The following CRB1 variants were observed in gnomAD, a reference collection of about 807,000 sequenced individuals.
CRB1 encodes crumbs cell polarity complex component 1.
Under a neutral mutation model 120.0 loss-of-function variants are expected in CRB1, and 83 were observed. The ratio of observed to expected loss-of-function variants is 0.69; its 90% CI spans 0.58 to 0.83. The LOEUF (loss-of-function observed/expected upper bound fraction) is 0.83. Among genes scored for constraint, CRB1 ranks in the 40% least tolerant of loss-of-function variants. The pLI is 0.00. For missense variants in CRB1, 1,699 were observed against 1,687.6 expected (o/e 1.01, Z -0.12); for synonymous variants, 625 against 612.5 (o/e 1.02, Z -0.30).
intron 11 of CRB1, among the ~76,000 whole-genome samples, chr1:197,470,642 G>A (rs1666941453): frequency 6.6e-6 from 1 of 152,194 alleles, no homozygotes; most frequent in East Asian, 1.9e-4. Context: ...AAATATGAAA[G>A]CAATGTCCTC....
chr1:197,205,637 G>A, the CRB1 span, among the ~76,000 whole-genome samples: 1 of 152,098 alleles, frequency 6.6e-6, no homozygotes, highest in East Asian at 1.9e-4. Flanking sequence ...ATATGCTGTT[G>A]GATTTGGTTA....
chr1:197,375,792 C>T (rs913550675), intron 5 of CRB1, among the ~76,000 whole-genome samples: 1 of 152,082 alleles, frequency 6.6e-6, no homozygotes, highest in Non-Finnish European at 1.5e-5. Context: ...ATTGGCTTGC[C>T]TATCTATCCT....
intron 5 of CRB1, among the ~76,000 whole-genome samples, chr1:197,408,751 C>A (rs1243842898): frequency 1.3e-5 from 2 of 152,124 alleles, no homozygotes; most frequent in East Asian, 3.8e-4. Context: ...AGAGCAGAGC[C>A]CTTTCTGATG....
intron 5 of CRB1, among the ~76,000 whole-genome samples, chr1:197,405,473 A>G (rs1571486799): frequency 6.6e-6 from 1 of 151,960 alleles, no homozygotes; most frequent in African/African-American, 2.4e-5. Flanking sequence ...AAGTGCCGAG[A>G]GTGCAGCCTC....
At chr1:197,420,033 T>C (rs1372856196) in intron 5 of CRB1, among the ~76,000 whole-genome samples, 3 of 149,216 alleles carry the variant, frequency 2.0e-5, no homozygotes, top group Non-Finnish European at 3.0e-5. Context: ...TAGGGTCTGA[T>C]GTTAGAAGTG....
In CRB1 at chr1:197,421,229, C is replaced by T. The variant is rs1330182352; in HGVS notation, c.1401C>T (p.Phe467=). 1 of 1,614,188 alleles carries T rather than the reference C, an allele frequency of 6.2e-7. No individual in the cohort carries two copies. Among genetic ancestry groups the T allele is most frequent in the Non-Finnish European group, 8.5e-7 (1 of 1,180,024 alleles). ...IPHFQDGQHG[F]SCLCPSGYTG... ...ACTTCCAAGATGGCCAGCATGGATT[C>T]AGCTGCCTATGTCCATCTGGCTACA... Residue 467 remains phenylalanine, a synonymous_variant, in exon 6 of 12, where the codon TTC becomes TTT. Transcript: ENST00000367400.
chr1:197,292,569 A>T (rs1005233038), intron 1 of CRB1, among the ~76,000 whole-genome samples: 2 of 152,134 alleles, frequency 1.3e-5, no homozygotes, highest in African/African-American at 4.8e-5. Context: ...TGAGGCCAGC[A>T]TCATCCTGAT....
At chr1:197,398,653 C>T (rs1428770337) in intron 5 of CRB1, among the ~76,000 whole-genome samples, 3 of 151,958 alleles carry the variant, frequency 2.0e-5, no homozygotes, top group African/African-American at 4.8e-5. Context: ...TGGAGTCATT[C>T]GGCAAGTCAG....
In CRB1 at chr1:197,427,780, G is replaced by A. The variant is rs1439253389; in HGVS notation, c.2455G>A (p.Ala819Thr). 6.2e-7 allele frequency: 1 copy of A among 1,613,810 alleles called. No individual in the cohort carries two copies. The highest frequency in any genetic ancestry group is 1.3e-5 in the African/African-American group (1 of 74,908). The part of the protein sequence containing the change: ...QSSQNLGFIS[A>T]STWKIEKGDV... ...TTCACAAAACCTAGGATTTATTTCTGCTTCTACGTGGAAAATCGAAAAGGG... is the reference window on the plus strand; with the variant it reads ...TTCACAAAACCTAGGATTTATTTCTACTTCTACGTGGAAAATCGAAAAGGG... The change falls in exon 7 of 12, where the codon GCT (alanine) becomes ACT (threonine). Residue 819 changes from alanine (A) to threonine (T), a missense_variant. By Grantham distance (58) the Ala-to-Thr change is moderately conservative. Coordinates refer to ENST00000367400, the MANE Select transcript of CRB1 (RefSeq NM_201253.3).
the CRB1 span, among the ~76,000 whole-genome samples, chr1:197,233,722 A>G: frequency 6.6e-6 from 1 of 152,226 alleles, no homozygotes; most frequent in South Asian, 2.1e-4. Context: ...CTGACAACCT[A>G]TAGCTGTTGA....
At chr1:197,408,927 T>C (rs1239545419) in intron 5 of CRB1, among the ~76,000 whole-genome samples, 1 of 152,230 alleles carries the variant, frequency 6.6e-6, no homozygotes, top group African/African-American at 2.4e-5. Context: ...TCCACTGAGC[T>C]TCAAAGTATG....
At chr1:197,405,609 C>G (rs559593787) in intron 5 of CRB1, among the ~76,000 whole-genome samples, 1 of 151,126 alleles carries the variant, frequency 6.6e-6, no homozygotes, top group African/African-American at 2.4e-5. Flanking sequence ...TCTGCCCGGC[C>G]GCCATCCCAT....
intron 11 of CRB1, among the ~76,000 whole-genome samples, chr1:197,460,626 G>C (rs943775601): frequency 6.6e-6 from 1 of 152,072 alleles, no homozygotes; most frequent in Non-Finnish European, 1.5e-5. Flanking sequence ...ATGCTGAAAC[G>C]AAGGCCCAAA....
chr1:197,463,906 T>C (rs1666638937), intron 11 of CRB1, among the ~76,000 whole-genome samples: 3 of 152,312 alleles, frequency 2.0e-5, no homozygotes, highest in South Asian at 2.1e-4. Context: ...ATCTTTGTCA[T>C]AGAATTAATC....
intron 11 of CRB1, among the ~76,000 whole-genome samples, chr1:197,454,901 C>T (rs1193486325): frequency 1.3e-5 from 2 of 152,062 alleles, no homozygotes; most frequent in African/African-American, 4.8e-5. Flanking sequence ...CTAAAATATA[C>T]ACAAAAAAGT....
Position 197,357,013 on chromosome 1 carries a change from G to T in CRB1, c.1171G>T (p.Gly391Ter). The T allele has an allele frequency of 6.2e-7, 1 of 1,614,164 alleles. No individual in the cohort carries two copies. Among genetic ancestry groups the T allele is most frequent in the Non-Finnish European group, 8.5e-7 (1 of 1,179,990 alleles). The change falls in exon 5 of 12, where the codon GGA becomes TGA. Residue 391 changes from glycine (G) to a stop codon, truncating the protein, a stop_gained and splice_region_variant. Transcript: ENST00000367400. LOFTEE classifies it high-confidence loss of function. ...YVCICQPGFT[G>*]IHCEEDVNEC... is the part of the protein sequence containing the mutation. ...CTGTATCTGTCAGCCTGGATTCACAGGTGAGGCCAAGGAGATGGGATATGA... is the reference window on the plus strand; with the variant it reads ...CTGTATCTGTCAGCCTGGATTCACATGTGAGGCCAAGGAGATGGGATATGA...
At chr1:197,470,295 T>G (rs1302830105) in intron 11 of CRB1, among the ~76,000 whole-genome samples, 3 of 152,068 alleles carry the variant, frequency 2.0e-5, no homozygotes, top group African/African-American at 7.2e-5. Flanking sequence ...TACTGAATGC[T>G]TGAGAGAATG....
At chr1:197,472,770 G>C (rs1667035944) in intron 11 of CRB1, among the ~76,000 whole-genome samples, 1 of 152,162 alleles carries the variant, frequency 6.6e-6, no homozygotes, top group Non-Finnish European at 1.5e-5. Flanking sequence ...AGCACAGTGA[G>C]AGTGATAACC....
the CRB1 span, among the ~76,000 whole-genome samples, chr1:197,234,345 C>G: frequency 6.6e-6 from 1 of 152,148 alleles, no homozygotes; most frequent in Non-Finnish European, 1.5e-5. Context: ...CTGGGAGAAG[C>G]AAACTAGCAT....
Sources: gnomAD v4.1 joint callset for allele counts (sites outside exome capture counted in the v4.1 genomes callset) on GRCh38, gnomAD v4.1.1 for gene constraint, MANE v1.5 for transcripts, NCBI Gene and HGNC (gene_info 2026-07-23, HGNC 2026-07-21) for gene names.